Variants in DOCK1 observed in about 807,000 individuals in gnomAD.
DOCK1 encodes the protein dedicator of cytokinesis protein 1.
Under a neutral mutation model 262.7 loss-of-function variants are expected in DOCK1, and 138 were observed. The observed-to-expected ratio is 0.53, with a 90% CI of 0.46 to 0.61. The LOEUF is 0.61. Among genes scored for constraint, DOCK1 ranks in the 20% least tolerant of loss-of-function variants. The probability of loss-of-function intolerance (pLI) is 0.00; values close to 1 mark genes in which losing one functional copy is unlikely to be tolerated. For synonymous variants in DOCK1, 866 were observed against 867.4 expected (o/e 1.00, Z 0.03); for missense variants, 1,908 against 2,370.7 (o/e 0.80, Z 4.05).
chr10:127,264,330 A>G (rs1418268297), intron 29 of DOCK1, among the ~76,000 whole-genome samples: 2 of 152,166 alleles, frequency 1.3e-5, no homozygotes, highest in Admixed American at 6.5e-5. Context: ...AATCGCTTCC[A>G]GGCATTCCTC....
intron 29 of DOCK1, among the ~76,000 whole-genome samples, chr10:127,307,408 C>A (rs1170703558): frequency 6.6e-6 from 1 of 152,226 alleles, no homozygotes; most frequent in African/African-American, 2.4e-5. Flanking sequence ...TAGATTTTAA[C>A]CCAGCCTCTA....
At chr10:127,102,197 T>C (rs1435686964) in intron 23 of DOCK1, among the ~76,000 whole-genome samples, 1 of 152,144 alleles carries the variant, frequency 6.6e-6, no homozygotes, top group African/African-American at 2.4e-5. Flanking sequence ...AAAATTAGCT[T>C]TGGGGCTGCA....
chr10:127,006,314 A>G (rs1012161820), intron 10 of DOCK1, among the ~76,000 whole-genome samples: 3 of 152,036 alleles, frequency 2.0e-5, no homozygotes, highest in Admixed American at 6.5e-5. Flanking sequence ...TCTTGTCCCA[A>G]CGCCACTGCC....
intron 24 of DOCK1, among the ~76,000 whole-genome samples, chr10:127,108,880 C>T (rs1488606364): frequency 6.6e-6 from 1 of 152,124 alleles, no homozygotes; most frequent in East Asian, 1.9e-4. Flanking sequence ...ATAACTTGTC[C>T]ATGATAATTC....
intron 1 of DOCK1, among the ~76,000 whole-genome samples, chr10:126,956,768 A>G (rs1229519654): frequency 6.6e-5 from 10 of 152,168 alleles, no homozygotes; most frequent in African/African-American, 2.2e-4. Flanking sequence ...TTGTCAGGGC[A>G]CAGAACAGGG....
intron 12 of DOCK1, chr10:127,015,195 T>TA (rs1320844898): frequency 1.3e-5 from 2 of 149,150 alleles, no homozygotes; most frequent in Non-Finnish European, 3.0e-5. Context: ...AAAAAAATAT[T>TA]TAAAAAAAAA....
intron 16 of DOCK1, among the ~76,000 whole-genome samples, chr10:127,027,687 G>A (rs1345669916): frequency 1.3e-5 from 2 of 152,306 alleles, no homozygotes; most frequent in African/African-American, 2.4e-5. Flanking sequence ...ACGCTGCCTG[G>A]TATGGATAGG....
chr10:127,137,561 A>G lies in DOCK1; in HGVS notation c.2847+9797A>G, dbSNP rs2050808944. ...TACTTGCAGATCGGGGGTGGGGGAAAATTTTTACTTATCATCTTTGACTAC... is the reference window on the plus strand; with the variant it reads ...TACTTGCAGATCGGGGGTGGGGGAAGATTTTTACTTATCATCTTTGACTAC... On this transcript the variant is annotated intron_variant, in intron 27 of 51. Transcript: ENST00000623213. The G allele has an allele frequency of 1.8e-5, 6 of 332,168 alleles. No homozygotes were observed. The East Asian group carries it at 2.6e-4, about 14-fold the overall frequency. 20.6% of individuals were successfully genotyped at this position (332,168 alleles called of 1,614,324 possible). A position where few individuals can be genotyped will look rare whatever the true frequency, so the allele number is the denominator to read the frequency against.
chr10:127,074,739 A>G (rs1219193202), intron 23 of DOCK1, among the ~76,000 whole-genome samples: 1 of 152,254 alleles, frequency 6.6e-6, no homozygotes, highest in Non-Finnish European at 1.5e-5. Flanking sequence ...AAAGAACAGT[A>G]GTCCTCATTT....
intron 27 of DOCK1, among the ~76,000 whole-genome samples, chr10:127,208,959 T>C (rs917008692): frequency 1.3e-5 from 2 of 152,210 alleles, no homozygotes; most frequent in African/African-American, 4.8e-5. Context: ...ACTTACCAAG[T>C]GGTCGTTAAT....
At chr10:127,295,839 TAAGAG>T (rs2061487828) in intron 29 of DOCK1, among the ~76,000 whole-genome samples, 4 of 152,206 alleles carry the variant, frequency 2.6e-5, no homozygotes, top group Admixed American at 2.6e-4. Context: ...CTTTTGTTCT[TAAGAG>T]AAGGTGATGG....
At chr10:126,966,823 A>G (rs1229767301) in intron 1 of DOCK1, among the ~76,000 whole-genome samples, 1 of 152,240 alleles carries the variant, frequency 6.6e-6, no homozygotes, top group African/African-American at 2.4e-5. Flanking sequence ...CCAAAACATC[A>G]TCCAAGCAAA....
chr10:127,012,990 C>T lies in DOCK1; in HGVS notation c.1201+616C>T, dbSNP rs2041585718. 6.6e-6 allele frequency among the ~76,000 whole-genome samples: 1 copy of T among 152,220 alleles called. No homozygotes were observed. The highest frequency in any genetic ancestry group is 2.1e-4 in the South Asian group (1 of 4,832). ...TCACCTTCAGAACTTGACCGTCTCACTCCCTGATCCATGCAGACTGCCCGT... is the reference window on the plus strand; with the variant it reads ...TCACCTTCAGAACTTGACCGTCTCATTCCCTGATCCATGCAGACTGCCCGT... On this transcript the variant is annotated intron_variant, in intron 12 of 51. Coordinates refer to ENST00000623213, the MANE Select transcript of DOCK1 (RefSeq NM_001290223.2). The surrounding 1 kb of genome is among the most constrained non-coding windows in gnomAD (Gnocchi z 4.0).
chr10:126,932,871 G>A (rs1053607869), intron 1 of DOCK1, among the ~76,000 whole-genome samples: 46 of 152,122 alleles, frequency 3.0e-4, no homozygotes, highest in Non-Finnish European at 6.0e-4. Context: ...GTTCAGATCA[G>A]GCCAAGAACT....
intron 45 of DOCK1, 119 bp downstream of exon 45, chr10:127,418,660 G>T: frequency 7.8e-7 from 1 of 1,282,554 alleles, no homozygotes; most frequent in Non-Finnish European, 1.0e-6. Context: ...CTCAGCAGTG[G>T]CCCAGCCAAG....
Position 127,026,369 on chromosome 10 carries a change from G to A in DOCK1, c.1569G>A (p.Glu523=), listed in dbSNP as rs776535969. ...FETVKVAIPI[E]DVNRSHLRFT... ...TCTTGAAGGTGGCCATTCCCATCGA[G>A]GACGTTAACCGCAGTCACCTTCGGT... The change falls in exon 16 of 52, where the codon GAG becomes GAA. Residue 523 remains glutamate (E), a synonymous_variant. Transcript: ENST00000623213. The A allele has an allele frequency of 6.4e-7, 1 of 1,571,750 alleles. No individual in the cohort carries two copies. Among genetic ancestry groups the A allele is most frequent in the South Asian group, 1.2e-5 (1 of 85,264 alleles).
intron 27 of DOCK1, among the ~76,000 whole-genome samples, chr10:127,206,291 C>G (rs998214069): frequency 2.6e-5 from 4 of 151,604 alleles, no homozygotes; most frequent in Non-Finnish European, 4.4e-5. Context: ...TTACAGGCAC[C>G]CGCCACCATG....
intron 1 of DOCK1, among the ~76,000 whole-genome samples, chr10:126,970,015 G>A (rs754763498): frequency 3.9e-5 from 6 of 152,026 alleles, no homozygotes; most frequent in Non-Finnish European, 5.9e-5. Context: ...AATTGAGAGT[G>A]GGCTAGTTGA....
At chr10:127,230,619 G>A (rs1022481120) in intron 27 of DOCK1, among the ~76,000 whole-genome samples, 1 of 151,960 alleles carries the variant, frequency 6.6e-6, no homozygotes, top group Non-Finnish European at 1.5e-5. Context: ...TTCATTGGTC[G>A]ATGAGTCTGT....
Sources: gnomAD v4.1 joint callset for allele counts (sites outside exome capture counted in the v4.1 genomes callset) on GRCh38, gnomAD v4.1.1 for gene constraint, Gnocchi (gnomAD v3.1) non-coding constraint, MANE v1.5 for transcripts, NCBI Gene and HGNC (gene_info 2026-07-23, HGNC 2026-07-21) for gene names.